WDR1: variants seen among roughly 807,000 people sequenced by gnomAD.
WDR1 encodes WD repeat domain 1.
Under a neutral mutation model 71.9 loss-of-function variants are expected in WDR1, and 21 were observed. The ratio of observed to expected loss-of-function variants is 0.29; its 90% CI spans 0.21 to 0.42. The LOEUF (loss-of-function observed/expected upper bound fraction) is 0.42, where lower values mean the gene tolerates loss of function less well. WDR1 is among the 10% of genes least tolerant of loss of function. The probability of loss-of-function intolerance (pLI) is 1.00; values close to 1 mark genes in which losing one functional copy is unlikely to be tolerated. For missense variants in WDR1, 696 were observed against 824.5 expected, an observed-to-expected ratio of 0.84 and a Z score of 1.91; for synonymous variants, 424 against 347.4, an observed-to-expected ratio of 1.22 and a Z score of -2.45.
intron 5 of WDR1, among the ~76,000 whole-genome samples, chr4:10,094,078 A>C (rs1398107830): frequency 1.3e-5 from 2 of 152,210 alleles, no homozygotes; most frequent in East Asian, 3.9e-4. Flanking sequence ...GTGGCACCCC[A>C]GTGAGGGAAG....
intron 11 of WDR1, among the ~76,000 whole-genome samples, chr4:10,080,409 G>A (rs1380005053): frequency 6.6e-6 from 1 of 152,232 alleles, no homozygotes; most frequent in East Asian, 1.9e-4. Context: ...CAGGCCCCGA[G>A]GCGCTCCATG....
chr4:10,116,461 T>G, intron 1 of WDR1, 190 bp downstream of exon 1: 1 of 743,518 alleles, frequency 1.3e-6, no homozygotes, highest in Non-Finnish European at 1.9e-6. Flanking sequence ...CGGCGCCAAC[T>G]TGGGGGCGCA....
chr4:10,102,423 T>A (rs1039840756), intron 3 of WDR1, among the ~76,000 whole-genome samples: 6 of 152,192 alleles, frequency 3.9e-5, no homozygotes, highest in African/African-American at 1.4e-4. Flanking sequence ...GGCTCTGCCC[T>A]CAGGAATGGG....
chr4:10,112,439 A>G (rs1241966666), intron 2 of WDR1, among the ~76,000 whole-genome samples: 2 of 152,214 alleles, frequency 1.3e-5, no homozygotes, highest in African/African-American at 2.4e-5. Flanking sequence ...TAGTTTCTAC[A>G]TGGCCACCAT....
In WDR1 at chr4:10,084,616, G is replaced by A. The variant is rs372279253; in HGVS notation, c.952-86C>T. On this transcript the variant is annotated intron_variant, in intron 8 of 14. Coordinates refer to ENST00000499869, the MANE Select transcript of WDR1 (RefSeq NM_017491.5). ...CGCTTTCCACCAACGAAGCTTCTGG[G>A]TAATGGAGGGGGCAGACGCCCCTCA... 4 of 1,287,820 alleles carry A rather than the reference G, an allele frequency of 3.1e-6. No homozygotes were observed. In the Admixed American group the frequency reaches 5.7e-5, roughly 18 times the overall value. The allele number at this position is 1,287,820 out of a possible 1,614,324, so 79.8% of individuals were successfully genotyped here.
intron 1 of WDR1, 171 bp downstream of exon 1, chr4:10,116,480 C>T (rs1371683861): frequency 3.3e-6 from 2 of 599,696 alleles, no homozygotes; most frequent in Non-Finnish European, 2.3e-6. Flanking sequence ...CACCCCCCGT[C>T]GGGGGTCCCG....
At chr4:10,100,839 G>T (rs1033941584) in intron 3 of WDR1, among the ~76,000 whole-genome samples, 1 of 152,234 alleles carries the variant, frequency 6.6e-6, no homozygotes, top group African/African-American at 2.4e-5. Flanking sequence ...GTGTGTGCAG[G>T]AAGGACATGC....
At chr4:10,080,850 GCCT>G (rs1764987312) in intron 11 of WDR1, among the ~76,000 whole-genome samples, 1 of 152,226 alleles carries the variant, frequency 6.6e-6, no homozygotes, top group African/African-American at 2.4e-5. Context: ...CTAGGCCTCA[GCCT>G]CCTCATCTGT....
At chr4:10,091,464 C>CA (rs1480592445) in intron 5 of WDR1, 1 of 152,276 alleles carries the variant, frequency 6.6e-6, no homozygotes, top group African/African-American at 2.4e-5. Context: ...AGCCTGCGGG[C>CA]AAATTCTTCA....
chr4:10,100,246 C>G (rs1448565372), intron 3 of WDR1, among the ~76,000 whole-genome samples: 1 of 152,220 alleles, frequency 6.6e-6, no homozygotes, highest in Non-Finnish European at 1.5e-5. Context: ...GCCTTGGGAG[C>G]AGGGGCCCTG....
chr4:10,088,091 C>T (rs112553347), intron 7 of WDR1, among the ~76,000 whole-genome samples, 151 bp from the exon 8 acceptor site: 22 of 152,208 alleles, frequency 1.4e-4, no homozygotes, highest in African/African-American at 4.6e-4. Context: ...ACAACACCCG[C>T]CTCCAGGTCT....
chr4:10,081,643 A>G (rs919658640), intron 10 of WDR1, among the ~76,000 whole-genome samples, 199 bp from the exon 11 acceptor site: 1 of 74,756 alleles, frequency 1.3e-5, no homozygotes, highest in Non-Finnish European at 2.5e-5. Context: ...TATAAGTCAT[A>G]ATGGGGGCCC....
At position 10,101,045 on chromosome 4, in the gene WDR1, G is replaced by C. The variant is rs73212861; in HGVS notation, c.230-1906C>G. On this transcript the variant is annotated intron_variant, in intron 3 of 14. Transcript: ENST00000499869. ...TCCAGGAAGCCTGCCCTGGGCCTAC[G>C]TAAGGCCAAACCACACGCCTGTCAC... Among the ~76,000 whole-genome samples the C allele has an allele frequency of 2.0e-5, 3 of 152,364 alleles. No homozygotes were observed. The South Asian group carries it at 6.2e-4, about 32-fold the overall frequency.
At chr4:10,106,995 C>T (rs1247193241) in intron 2 of WDR1, among the ~76,000 whole-genome samples, 1 of 152,126 alleles carries the variant, frequency 6.6e-6, no homozygotes, top group Non-Finnish European at 1.5e-5. Context: ...CTCCTTCCAT[C>T]TTGGGGAAGA....
intron 3 of WDR1, among the ~76,000 whole-genome samples, chr4:10,100,378 G>A (rs79368359): frequency 0.026 from 3,941 of 152,274 alleles, 167 homozygotes; most frequent in African/African-American, 0.089. Flanking sequence ...TAGGTTCCAC[G>A]AGTTAACACG....
At chr4:10,116,053 AAT>A (rs1713700448) in intron 2 of WDR1, 58 bp downstream of exon 2, 8 of 1,580,976 alleles carry the variant, frequency 5.1e-6, no homozygotes, top group Non-Finnish European at 6.9e-6. Context: ...GAGGAAGGCG[AAT>A]TATCCCATCC....
intron 2 of WDR1, among the ~76,000 whole-genome samples, chr4:10,111,124 G>A (rs1056595621): frequency 2.6e-5 from 4 of 152,198 alleles, no homozygotes; most frequent in Admixed American, 6.5e-5. Context: ...CCTTACCGTA[G>A]GCTGGATCTG....
chr4:10,093,172 C>T (rs1374415374), intron 5 of WDR1: 1 of 1,287,190 alleles, frequency 7.8e-7, no homozygotes, highest in East Asian at 5.6e-5. Flanking sequence ...TCACTACCTA[C>T]CTAGTCAGCT....
chr4:10,113,761 G>C (rs189320109), intron 2 of WDR1, among the ~76,000 whole-genome samples: 254 of 152,342 alleles, frequency 1.7e-3, no homozygotes, highest in African/African-American at 5.9e-3. Context: ...GGAGTCAGAA[G>C]GATTTACTAA....
Sources: allele counts gnomAD v4.1 joint callset (sites outside exome capture counted in the v4.1 genomes callset), GRCh38; gene constraint gnomAD v4.1.1; transcripts MANE v1.5; gene names NCBI Gene and HGNC (gene_info 2026-07-23, HGNC 2026-07-21).